Variants in KDM5B observed in about 807,000 individuals in gnomAD.
KDM5B encodes lysine demethylase 5B, also known as lysine-specific demethylase 5B.
A neutral mutation model predicts 193.4 loss-of-function variants in KDM5B; 144 were observed. The ratio of observed to expected loss-of-function variants is 0.74; its 90% confidence interval spans 0.65 to 0.86. The LOEUF (loss-of-function observed/expected upper bound fraction) is 0.86. KDM5B is among the 40% of genes least tolerant of loss of function. The pLI, the probability that KDM5B is intolerant of heterozygous loss-of-function variation, is 0.00. For synonymous variants in KDM5B, 668 were observed against 682.6 expected (o/e 0.98, Z 0.33); for missense variants, 1,833 against 1,886.9 (o/e 0.97, Z 0.53).
intron 1 of KDM5B, among the ~76,000 whole-genome samples, chr1:202,802,688 C>T (rs1392589328): frequency 6.6e-6 from 1 of 152,116 alleles, no homozygotes. Context: ...GCCACTATGC[C>T]CAGCCCTGTA....
At chr1:202,748,924 T>G in intron 14 of KDM5B, 21 bp downstream of exon 14, 1 of 1,580,628 alleles carries the variant, frequency 6.3e-7, no homozygotes, top group African/African-American at 1.4e-5. Flanking sequence ...CAACATGCAG[T>G]TGGATTTCCA....
chr1:202,775,473 G>A (rs1364629348), intron 2 of KDM5B, among the ~76,000 whole-genome samples: 2 of 151,992 alleles, frequency 1.3e-5, no homozygotes, highest in African/African-American at 2.4e-5. Context: ...GGAGGTGGAG[G>A]TTGCAGTGAG....
chr1:202,741,109 G>A (rs954529579), intron 19 of KDM5B, among the ~76,000 whole-genome samples: 9 of 152,152 alleles, frequency 5.9e-5, no homozygotes, highest in African/African-American at 2.2e-4. Context: ...AGGATCCAGG[G>A]AAATTTCATT....
chr1:202,767,826 G>A (rs1480454291), intron 4 of KDM5B, among the ~76,000 whole-genome samples: 1 of 152,070 alleles, frequency 6.6e-6, no homozygotes, highest in South Asian at 2.1e-4. Flanking sequence ...GCTTGCGACT[G>A]TCAGTTAATG....
In KDM5B at chr1:202,741,722, C is replaced by A; in HGVS notation, c.2590G>T (p.Asp864Tyr). 2 of 1,559,172 alleles carry A rather than the reference C, an allele frequency of 1.3e-6. No homozygotes were observed. Among genetic ancestry groups the A allele is most frequent in the South Asian group, 2.3e-5 (2 of 86,720 alleles). Residue 864 changes from aspartate to tyrosine, a missense_variant and splice_region_variant, in exon 19 of 27, where the codon GAT (aspartate) becomes TAT (tyrosine). Asp to Tyr is a radical substitution (Grantham distance 160). Transcript: ENST00000367265. ...CVLSQTPLLK[D>Y]LLNRVEDFQQ... ...AAATCTTCTACACGATTCAAGAGAT[C>A]CTAAAAAAAAATACACAGGTTGTTG...
At chr1:202,741,971 G>A (rs764372048) in intron 18 of KDM5B, among the ~76,000 whole-genome samples, 7 of 151,596 alleles carry the variant, frequency 4.6e-5, no homozygotes, top group Non-Finnish European at 8.8e-5. Flanking sequence ...CGCCTCTTGG[G>A]TTCAAGCGAT....
chr1:202,740,362 A>AC (rs1380726283), intron 20 of KDM5B, among the ~76,000 whole-genome samples: 3 of 110,948 alleles, frequency 2.7e-5, no homozygotes, highest in African/African-American at 9.6e-5. Flanking sequence ...CGGGGGGCTG[A>AC]CCCCCCCACC....
Position 202,749,103 on chromosome 1 carries a change from A to T in KDM5B, c.1858T>A (p.Leu620Met). The T allele has an allele frequency of 6.2e-7, 1 of 1,614,028 alleles. No individual in the cohort carries two copies. The highest frequency in any genetic ancestry group is 1.7e-5 in the Admixed American group (1 of 59,974). Residue 620 changes from leucine to methionine, a missense_variant, in exon 14 of 27, where the codon TTG (leucine) becomes ATG (methionine). Leu to Met is a conservative substitution (Grantham distance 15). Transcript: ENST00000367265. The part of the protein sequence containing the change: ...LGRQCVEHYR[L>M]LHRYCVFSHD... The stretch of plus-strand genomic sequence containing the variant: ...GAAAACACACAATATCGATGAAGCA[A>T]GCGATAATGCTCCACACACTGTCGG...
chr1:202,758,372 G>T lies in KDM5B; in HGVS notation c.1197+19C>A. ...AAAGCTATTAAAATCCTAAATCAAA[G>T]CAGTATATATGTACATACATGGACT... On this transcript the variant is annotated intron_variant, in intron 9 of 26. Transcript: ENST00000367265. 6.4e-7 allele frequency: 1 copy of T among 1,559,660 alleles called. No homozygotes were observed. Among genetic ancestry groups the T allele is most frequent in the Non-Finnish European group, 8.7e-7 (1 of 1,145,634 alleles).
At chr1:202,805,971 T>TA (rs1451441318) in intron 1 of KDM5B, among the ~76,000 whole-genome samples, 1 of 152,332 alleles carries the variant, frequency 6.6e-6, no homozygotes, top group African/African-American at 2.4e-5. Context: ...GGTGCCTCTT[T>TA]AACCCCTTTC....
chr1:202,749,659 A>G lies in KDM5B; in HGVS notation c.1822-520T>C, dbSNP rs116246568. 5.1e-3 allele frequency among the ~76,000 whole-genome samples: 774 copies of G among 152,112 alleles called. 5 individuals are homozygous for G. The highest frequency in any genetic ancestry group is 0.016 in the African/African-American group (681 of 41,488). On this transcript the variant is annotated intron_variant, in intron 13 of 26. Coordinates refer to ENST00000367265, the MANE Select transcript of KDM5B (RefSeq NM_006618.5). ...ATCTGTAATCTTACATATCTTAATTAAAAAGTGGTTAAAAAAAAAAAAAAG... is the reference window on the plus strand; with the variant it reads ...ATCTGTAATCTTACATATCTTAATTGAAAAGTGGTTAAAAAAAAAAAAAAG...
At chr1:202,788,094 G>T (rs1363011362) in intron 1 of KDM5B, among the ~76,000 whole-genome samples, 1 of 152,092 alleles carries the variant, frequency 6.6e-6, no homozygotes, top group African/African-American at 2.4e-5. Context: ...TTTTCATCCA[G>T]ATTTAAAACA....
In KDM5B at chr1:202,745,960, G is replaced by C; in HGVS notation, c.2221C>G (p.Leu741Val). The C allele has an allele frequency of 1.7e-5, 27 of 1,613,880 alleles. No homozygotes were observed. The highest frequency in any genetic ancestry group is 2.3e-5 in the Non-Finnish European group (27 of 1,179,808). ...KLRYRYTLDD[L>V]YPMMNALKLR... ...TTCAATGCATTCATCATAGGGTAGA[G>C]ATCATCCAGCGTGTACCTATACCTG... Residue 741 changes from leucine (L) to valine (V), a missense_variant, in exon 16 of 27, where the codon CTC (leucine) becomes GTC (valine). By Grantham distance (32) the Leu-to-Val change is conservative. Transcript: ENST00000367265.
intron 4 of KDM5B, among the ~76,000 whole-genome samples, chr1:202,772,894 G>A (rs1656779422): frequency 3.3e-5 from 5 of 151,954 alleles, no homozygotes; most frequent in African/African-American, 9.7e-5. Context: ...ACGAGGTTTC[G>A]CCATGTTGGC....
intron 23 of KDM5B, among the ~76,000 whole-genome samples, chr1:202,732,465 T>G (rs1423880075): frequency 1.3e-5 from 2 of 152,184 alleles, no homozygotes; most frequent in Non-Finnish European, 2.9e-5. Context: ...TAGCACATCC[T>G]GGGTAAAGAA....
intron 1 of KDM5B, among the ~76,000 whole-genome samples, chr1:202,807,886 A>G (rs1387980721): frequency 6.6e-6 from 1 of 151,852 alleles, no homozygotes; most frequent in African/African-American, 2.4e-5. Flanking sequence ...GCACCGCCGA[A>G]GCCCCCGGTT....
intron 20 of KDM5B, among the ~76,000 whole-genome samples, chr1:202,737,254 T>G (rs910803895): frequency 6.6e-6 from 1 of 152,242 alleles, no homozygotes; most frequent in African/African-American, 2.4e-5. Context: ...AACTTTACCA[T>G]GTATAAGAAT....
chr1:202,745,157 C>A (rs919242122), intron 16 of KDM5B, among the ~76,000 whole-genome samples: 2 of 152,090 alleles, frequency 1.3e-5, no homozygotes, highest in Non-Finnish European at 2.9e-5. Flanking sequence ...GGGAACAACA[C>A]ACAATGGAGC....
intron 1 of KDM5B, among the ~76,000 whole-genome samples, chr1:202,793,634 T>C (rs188455416): frequency 3.7e-4 from 56 of 152,328 alleles, no homozygotes; most frequent in African/African-American, 1.3e-3. Flanking sequence ...AACATTTTGA[T>C]TCCTACTCTA....
Sources: gnomAD v4.1 joint callset for allele counts (sites outside exome capture counted in the v4.1 genomes callset) on GRCh38, gnomAD v4.1.1 for gene constraint, MANE v1.5 for transcripts, NCBI Gene and HGNC (gene_info 2026-07-23, HGNC 2026-07-21) for gene names.